BNC2: variants seen among roughly 807,000 people sequenced by gnomAD.
BNC2 encodes zinc finger protein basonuclin-2.
A neutral mutation model predicts 76.3 loss-of-function variants in BNC2; 20 were observed. The ratio of observed to expected loss-of-function variants is 0.26; its 90% CI spans 0.18 to 0.38. The LOEUF (loss-of-function observed/expected upper bound fraction) is 0.38. Among genes scored for constraint, BNC2 ranks in the 10% least tolerant of loss-of-function variants. The pLI is 1.00. For missense variants in BNC2, 1,382 were observed against 1,399.8 expected (o/e 0.99, Z 0.20); for synonymous variants, 582 against 514.8 (o/e 1.13, Z -1.77).
At chr9:16,770,237 G>A (rs561225327) in intron 1 of BNC2, among the ~76,000 whole-genome samples, 2 of 152,124 alleles carry the variant, frequency 1.3e-5, no homozygotes, top group Admixed American at 1.3e-4. Flanking sequence ...CTCATCCACT[G>A]CCACCCTAAG....
intron 1 of BNC2, among the ~76,000 whole-genome samples, chr9:16,746,521 G>A (rs941459759): frequency 1.3e-5 from 2 of 151,750 alleles, no homozygotes; most frequent in South Asian, 2.1e-4. Context: ...GTGCCACCAC[G>A]CCCGGCTAAT....
At position 16,413,248 on chromosome 9, in the gene BNC2, GAAT is replaced by G. The variant is rs1404238783; in HGVS notation, c.*5738_*5740del. ...TTTACAACAGCACTTTAGAGGAGAA[GAAT>G]AAAGATAGTTTTATGACAACTATAG... On this transcript the variant is annotated 3_prime_UTR_variant, in exon 7 of 7. Coordinates refer to ENST00000380672, the MANE Select transcript of BNC2 (RefSeq NM_017637.6). 6.6e-6 allele frequency: 1 copy of G among 151,480 alleles called. No homozygotes were observed. Among genetic ancestry groups the G allele is most frequent in the Non-Finnish European group, 1.5e-5 (1 of 67,924 alleles). 9.4% of individuals were successfully genotyped at this position (151,480 alleles called of 1,614,324 possible). A position where few individuals can be genotyped will look rare whatever the true frequency, so the allele number is the denominator to read the frequency against.
chr9:16,622,463 G>T (rs1820891094), intron 3 of BNC2, among the ~76,000 whole-genome samples: 2 of 152,152 alleles, frequency 1.3e-5, no homozygotes, highest in Admixed American at 6.6e-5. Context: ...ACAAAGCAAT[G>T]AATCGAGTTG....
intron 5 of BNC2, among the ~76,000 whole-genome samples, chr9:16,516,615 C>T (rs1274293756): frequency 6.6e-6 from 1 of 152,118 alleles, no homozygotes; most frequent in African/African-American, 2.4e-5. Context: ...TCTAAATATA[C>T]AAACAAGCAC....
intron 5 of BNC2, among the ~76,000 whole-genome samples, chr9:16,509,534 C>T (rs541622355): frequency 6.6e-6 from 1 of 152,356 alleles, no homozygotes; most frequent in East Asian, 1.9e-4. Context: ...AAACAACCGA[C>T]TCCTCTGTGC....
intron 4 of BNC2, among the ~76,000 whole-genome samples, chr9:16,566,608 G>C (rs1423085343): frequency 1.3e-4 from 20 of 152,124 alleles, no homozygotes; most frequent in Non-Finnish European, 1.5e-5. Context: ...TTAAGAAAAA[G>C]AATCTTAATT....
At chr9:16,614,508 C>T (rs966940993) in intron 3 of BNC2, among the ~76,000 whole-genome samples, 1 of 150,924 alleles carries the variant, frequency 6.6e-6, no homozygotes, top group African/African-American at 2.4e-5. Context: ...CATGTAAATG[C>T]CTTCACTATC....
chr9:16,511,703 A>G (rs1206365261), intron 5 of BNC2, among the ~76,000 whole-genome samples: 2 of 152,134 alleles, frequency 1.3e-5, no homozygotes, highest in East Asian at 3.9e-4. Flanking sequence ...TGCTGAGATT[A>G]CAGGCGTGAG....
rs566505692 is a variant in BNC2, at chr9:16,468,541, G to A, written c.670-31017C>T. On this transcript the variant is annotated intron_variant, in intron 5 of 6. Transcript: ENST00000380672. Reference sequence around the variant, plus strand: ...CTCCCGAATAGCTGGGACTACAGGCGTGCACCACCACGCCTGGCTACTTTT... The same window carrying A: ...CTCCCGAATAGCTGGGACTACAGGCATGCACCACCACGCCTGGCTACTTTT... 1.1e-3 allele frequency among the ~76,000 whole-genome samples: 168 copies of A among 151,812 alleles called. 1 individual carries two copies. The highest frequency in any genetic ancestry group is 1.9e-3 in the Non-Finnish European group (128 of 67,942).
At chr9:16,784,438 A>G (rs148283696) in intron 1 of BNC2, among the ~76,000 whole-genome samples, 22 of 152,378 alleles carry the variant, frequency 1.4e-4, no homozygotes, top group African/African-American at 5.3e-4. Context: ...GGACAAAGTA[A>G]TAAGTGCCTT....
At chr9:16,751,680 A>G (rs1183055582) in intron 1 of BNC2, among the ~76,000 whole-genome samples, 1 of 54,108 alleles carries the variant, frequency 1.8e-5, no homozygotes, top group African/African-American at 4.3e-5. Context: ...GTGTATATAT[A>G]TATGTATGTG....
intron 1 of BNC2, chr9:16,832,138 G>C (rs1477588032): frequency 3.0e-6 from 1 of 329,824 alleles, no homozygotes; most frequent in African/African-American, 2.2e-5. Context: ...CCTGGATGTA[G>C]GATATTTCAA....
chr9:16,678,731 C>G (rs1387140405), intron 3 of BNC2, among the ~76,000 whole-genome samples: 2 of 149,794 alleles, frequency 1.3e-5, no homozygotes, highest in African/African-American at 4.9e-5. Context: ...AAAGGAATGG[C>G]TTTTATTTTA....
chr9:16,721,915 T>C (rs1299062107), intron 3 of BNC2, among the ~76,000 whole-genome samples: 1 of 146,836 alleles, frequency 6.8e-6, no homozygotes, highest in African/African-American at 2.5e-5. Flanking sequence ...TTCCTTTTGA[T>C]ATATGTGCTA....
intron 5 of BNC2, among the ~76,000 whole-genome samples, chr9:16,502,099 A>T (rs1000964106): frequency 6.6e-6 from 1 of 152,150 alleles, no homozygotes; most frequent in Non-Finnish European, 1.5e-5. Flanking sequence ...CTAGTGGTTT[A>T]TGCCTGTAAT....
In BNC2 at chr9:16,418,528, A is replaced by G. The variant is rs1207867425; in HGVS notation, c.*461T>C. On this transcript the variant is annotated 3_prime_UTR_variant, in exon 7 of 7. Transcript: ENST00000380672. The stretch of plus-strand genomic sequence containing the variant: ...AAAACCTTAAAGTTCACAAAAGACA[A>G]CTATAAGAAGTTCCTTTTTGTTTCT... 1 of 156,134 alleles carries G rather than the reference A, an allele frequency of 6.4e-6. No individual in the cohort carries two copies. Among genetic ancestry groups the G allele is most frequent in the East Asian group, 1.9e-4 (1 of 5,314 alleles). 9.7% of individuals were successfully genotyped at this position (156,134 alleles called of 1,614,324 possible).
chr9:16,520,405 T>C (rs1305153619), intron 5 of BNC2, among the ~76,000 whole-genome samples: 2 of 152,156 alleles, frequency 1.3e-5, no homozygotes, highest in Non-Finnish European at 2.9e-5. Context: ...AATGGTTAAG[T>C]ACAAAATCGA....
intron 3 of BNC2, among the ~76,000 whole-genome samples, chr9:16,721,925 A>C (rs1006945285): frequency 3.4e-4 from 35 of 104,440 alleles, no homozygotes; most frequent in African/African-American, 1.2e-3. Flanking sequence ...TATATGTGCT[A>C]ATCTAGAGTG....
chr9:16,465,809 CCTT>C (rs1293398107), intron 5 of BNC2, among the ~76,000 whole-genome samples: 2 of 152,078 alleles, frequency 1.3e-5, no homozygotes, highest in African/African-American at 2.4e-5. Context: ...AATTAAAATG[CCTT>C]CTTCTGGTTC....
Sources: gnomAD v4.1 joint callset for allele counts (sites outside exome capture counted in the v4.1 genomes callset) on GRCh38, gnomAD v4.1.1 for gene constraint, MANE v1.5 for transcripts, NCBI Gene and HGNC (gene_info 2026-07-23, HGNC 2026-07-21) for gene names.